The following EPB41L4B variants were observed in gnomAD, a reference collection of about 807,000 sequenced individuals.
The protein encoded by EPB41L4B is band 4.1-like protein 4B.
Under a neutral mutation model 112.5 loss-of-function variants are expected in EPB41L4B, and 30 were observed. That is an observed-to-expected ratio of 0.27 (90% CI 0.20 to 0.36). EPB41L4B has a LOEUF of 0.36. Among genes scored for constraint, EPB41L4B ranks in the 10% least tolerant of loss-of-function variants. The probability of loss-of-function intolerance (pLI) is 1.00; values close to 1 mark genes in which losing one functional copy is unlikely to be tolerated. For missense variants in EPB41L4B, 1,024 were observed against 1,133.3 expected, an observed-to-expected ratio of 0.90 and a Z score of 1.38; for synonymous variants, 408 against 439.7, an observed-to-expected ratio of 0.93 and a Z score of 0.90.
intron 25 of EPB41L4B, among the ~76,000 whole-genome samples, chr9:109,175,270 T>C (rs1831779103): frequency 1.3e-5 from 2 of 152,086 alleles, no homozygotes; most frequent in South Asian, 4.1e-4. Context: ...ATTTAAATCA[T>C]GCTTTAAATT....
intron 1 of EPB41L4B, among the ~76,000 whole-genome samples, chr9:109,301,433 T>C (rs1836961579): frequency 6.6e-6 from 1 of 152,212 alleles, no homozygotes; most frequent in Non-Finnish European, 1.5e-5. Flanking sequence ...ACAAATGGAC[T>C]GGTGTACCCC....
intron 18 of EPB41L4B, among the ~76,000 whole-genome samples, chr9:109,205,384 G>A (rs981763616): frequency 9.2e-5 from 14 of 152,304 alleles, no homozygotes; most frequent in African/African-American, 3.4e-4. Context: ...CTTCTCCAAT[G>A]GAGCAGAAAT....
intron 17 of EPB41L4B, among the ~76,000 whole-genome samples, chr9:109,213,487 C>T (rs1233415739): frequency 6.6e-6 from 1 of 152,196 alleles, no homozygotes; most frequent in African/African-American, 2.4e-5. Context: ...AGGCAAAACA[C>T]TGGGAACGAC....
intron 20 of EPB41L4B, 117 bp downstream of exon 20, chr9:109,200,119 T>A (rs763139758): frequency 1.1e-4 from 84 of 737,916 alleles, no homozygotes; most frequent in Non-Finnish European, 1.8e-4. Context: ...AAATTGGAAA[T>A]AAATGGAATT....
chr9:109,174,978 G>A (rs1356206407), intron 25 of EPB41L4B, among the ~76,000 whole-genome samples: 11 of 140,656 alleles, frequency 7.8e-5, no homozygotes, highest in African/African-American at 2.7e-4. Flanking sequence ...GTACAGTGGC[G>A]TGATCTTGGC....
intron 1 of EPB41L4B, among the ~76,000 whole-genome samples, chr9:109,314,247 T>A (rs907622186): frequency 6.6e-6 from 1 of 152,298 alleles, no homozygotes; most frequent in Non-Finnish European, 1.5e-5. Context: ...GGACAAATGG[T>A]AGGCGGAGGA....
chr9:109,249,073 ATAT>A (rs1455711519), intron 13 of EPB41L4B, among the ~76,000 whole-genome samples: 2 of 121,926 alleles, frequency 1.6e-5, no homozygotes, highest in African/African-American at 6.4e-5. Context: ...AAAAAAAAAA[ATAT>A]ATATATATAT....
chr9:109,180,907 G>A (rs1832029002), intron 24 of EPB41L4B, among the ~76,000 whole-genome samples: 2 of 152,334 alleles, frequency 1.3e-5, no homozygotes, highest in South Asian at 2.1e-4. Context: ...GTGAGCTTCT[G>A]CAGAAGCTTT....
At chr9:109,318,115 T>C (rs1837700078) in intron 1 of EPB41L4B, among the ~76,000 whole-genome samples, 1 of 152,010 alleles carries the variant, frequency 6.6e-6, no homozygotes, top group Non-Finnish European at 1.5e-5. Context: ...AAGCCAGCAT[T>C]TGCTTTTTAT....
intron 15 of EPB41L4B, among the ~76,000 whole-genome samples, chr9:109,226,694 AT>A (rs1833780760): frequency 1.6e-5 from 1 of 63,094 alleles, no homozygotes; most frequent in South Asian, 5.5e-4. Context: ...GAATATATAT[AT>A]GAATATATAT....
chr9:109,205,101 T>G (rs1193370406), intron 18 of EPB41L4B, among the ~76,000 whole-genome samples: 2 of 152,188 alleles, frequency 1.3e-5, no homozygotes, highest in Non-Finnish European at 2.9e-5. Context: ...CTGCAGGACT[T>G]TTCAGAGACT....
At chr9:109,180,971 C>T (rs1285380915) in intron 24 of EPB41L4B, among the ~76,000 whole-genome samples, 2 of 120,492 alleles carry the variant, frequency 1.7e-5, no homozygotes, top group African/African-American at 7.0e-5. Context: ...ATCAAACTCT[C>T]TCTTTGTAGA....
chr9:109,203,774 GC>G (rs745734584), intron 18 of EPB41L4B, 44 bp from the exon 19 acceptor site: 1 of 1,515,484 alleles, frequency 6.6e-7, no homozygotes. Flanking sequence ...GAATATGTTG[GC>G]ATGCAAAAAA....
chr9:109,235,903 T>C (rs1834124399), intron 15 of EPB41L4B, among the ~76,000 whole-genome samples: 1 of 152,212 alleles, frequency 6.6e-6, no homozygotes, highest in Non-Finnish European at 1.5e-5. Flanking sequence ...CAGAAGAAAT[T>C]GGCCAAAGGT....
At chr9:109,269,875 A>C (rs1835548800) in intron 2 of EPB41L4B, among the ~76,000 whole-genome samples, 1 of 152,190 alleles carries the variant, frequency 6.6e-6, no homozygotes, top group Admixed American at 6.5e-5. Context: ...ACACCTAACC[A>C]AAGAGGCCAT....
chr9:109,215,335 G>A (rs1330596089), intron 16 of EPB41L4B, among the ~76,000 whole-genome samples: 6 of 151,786 alleles, frequency 4.0e-5, no homozygotes, highest in Non-Finnish European at 7.4e-5. Flanking sequence ...GCTGGAGTGC[G>A]GTGGCACCAT....
At chr9:109,234,547 C>G (rs1012821010) in intron 15 of EPB41L4B, among the ~76,000 whole-genome samples, 3 of 152,108 alleles carry the variant, frequency 2.0e-5, no homozygotes, top group African/African-American at 7.2e-5. Flanking sequence ...TGAATTTTTA[C>G]TATTGTTTGT....
At chr9:109,290,267 T>C (rs1408153735) in intron 1 of EPB41L4B, among the ~76,000 whole-genome samples, 1 of 152,200 alleles carries the variant, frequency 6.6e-6, no homozygotes, top group Non-Finnish European at 1.5e-5. Flanking sequence ...AGATAGCAAA[T>C]GAGCATACAC....
intron 1 of EPB41L4B, among the ~76,000 whole-genome samples, chr9:109,315,700 C>T (rs79159974): frequency 0.039 from 5,886 of 152,158 alleles, 175 homozygotes; most frequent in Non-Finnish European, 0.056. Context: ...TCCAGGGTCC[C>T]CTTCAACTCC....
Sources: gnomAD v4.1 joint callset for allele counts (sites outside exome capture counted in the v4.1 genomes callset) on GRCh38, gnomAD v4.1.1 for gene constraint, MANE v1.5 for transcripts, NCBI Gene and HGNC (gene_info 2026-07-23, HGNC 2026-07-21) for gene names.